The following F2RL1 variants were observed in gnomAD, a reference collection of about 807,000 sequenced individuals.
The protein encoded by F2RL1 is proteinase-activated receptor 2.
A neutral mutation model predicts 21.7 loss-of-function variants in F2RL1; 16 were observed. That is an observed-to-expected ratio of 0.74 (90% CI 0.50 to 1.12). The LOEUF is 1.12. F2RL1 is among the 50% of genes most tolerant of loss of function. F2RL1 has a pLI of 0.00. For synonymous variants in F2RL1, 181 were observed against 186.7 expected (o/e 0.97, Z 0.25); for missense variants, 432 against 477.8 (o/e 0.90, Z 0.89).
intron 1 of F2RL1, among the ~76,000 whole-genome samples, chr5:76,827,470 G>A (rs1750265005): frequency 6.6e-6 from 1 of 150,430 alleles, no homozygotes; most frequent in Non-Finnish European, 1.5e-5. Context: ...CTGCACTCCA[G>A]CCTGGGCGAC....
Position 76,834,884 on chromosome 5 carries a change from A to G in F2RL1, c.*1083A>G, listed in dbSNP as rs1401821395. On this transcript the variant is annotated 3_prime_UTR_variant, in exon 2 of 2. Coordinates refer to ENST00000296677, the MANE Select transcript of F2RL1 (RefSeq NM_005242.6). Reference sequence around the variant, plus strand: ...AGCTTATAATGAAATCTGTTTGTTGACTTATTAGGACTTTGAATTATTTCT... The same window carrying G: ...AGCTTATAATGAAATCTGTTTGTTGGCTTATTAGGACTTTGAATTATTTCT... 6.6e-6 allele frequency: 1 copy of G among 152,298 alleles called. No homozygotes were observed. The highest frequency in any genetic ancestry group is 1.5e-5 in the Non-Finnish European group (1 of 68,022). 9.4% of individuals were successfully genotyped at this position (152,298 alleles called of 1,614,324 possible).
At chr5:76,821,587 G>GT (rs67165766) in intron 1 of F2RL1, among the ~76,000 whole-genome samples, 44,673 of 132,748 alleles carry the variant, frequency 0.34, 7,935 homozygotes, top group South Asian at 0.43. Flanking sequence ...GGTTTTTTGG[G>GT]TTTTTTTTTT....
At chr5:76,819,723 G>T (rs746349963) in intron 1 of F2RL1, among the ~76,000 whole-genome samples, 20 of 152,098 alleles carry the variant, frequency 1.3e-4, no homozygotes, top group Non-Finnish European at 1.6e-4. Flanking sequence ...GGCCGGTGGG[G>T]TTAGCGAGCT....
In F2RL1 at chr5:76,832,961, C is replaced by T. The variant is rs781703377; in HGVS notation, c.354C>T (p.Ala118=). The T allele has an allele frequency of 2.5e-6, 4 of 1,614,236 alleles. No individual in the cohort carries two copies. In the Admixed American group the frequency reaches 6.7e-5, roughly 27 times the overall value. ...HPAVIYMANL[A]LADLLSVIWF... is the part of the protein sequence containing the mutation. ...CTGTGATTTACATGGCCAATCTGGC[C>T]TTGGCTGACCTCCTCTCTGTCATCT... is the stretch of plus-strand genomic sequence containing the variant. The change falls in exon 2 of 2, where the codon GCC becomes GCT. Residue 118 remains alanine, a synonymous_variant. Transcript: ENST00000296677.
intron 1 of F2RL1, among the ~76,000 whole-genome samples, chr5:76,820,029 T>A (rs931560752): frequency 1.3e-5 from 2 of 152,308 alleles, no homozygotes; most frequent in East Asian, 3.9e-4. Context: ...GTTGACCCTC[T>A]GGGCCTGGGG....
At position 76,819,203 on chromosome 5, in the gene F2RL1, G is replaced by T. The variant is rs768345760; in HGVS notation, c.21G>T (p.Ala7=). 1 of 1,588,352 alleles carries T rather than the reference G, an allele frequency of 6.3e-7. No individual in the cohort carries two copies. The highest frequency in any genetic ancestry group is 1.1e-5 in the South Asian group (1 of 88,920). The change falls in exon 1 of 2, where the codon GCG becomes GCT. Residue 7 remains alanine, a synonymous_variant. Transcript: ENST00000296677. The part of the protein sequence containing the change: MRSPSA[A]WLLGAAILLA... Reference sequence around the variant, plus strand: ...GGAGGATGCGGAGCCCCAGCGCGGCGTGGCTGCTGGGGGCCGCCATCCTGC... The same window carrying T: ...GGAGGATGCGGAGCCCCAGCGCGGCTTGGCTGCTGGGGGCCGCCATCCTGC...
chr5:76,832,017 A>G (rs114023581), intron 1 of F2RL1, among the ~76,000 whole-genome samples: 1 of 151,936 alleles, frequency 6.6e-6, no homozygotes, highest in South Asian at 2.1e-4. Flanking sequence ...CTAAAAAAAA[A>G]AAAAATAATA....
chr5:76,832,955 T>A lies in F2RL1; in HGVS notation c.348T>A (p.Asn116Lys). ...ACCCTGCTGTGATTTACATGGCCAATCTGGCCTTGGCTGACCTCCTCTCTG... is the reference window on the plus strand; with the variant it reads ...ACCCTGCTGTGATTTACATGGCCAAACTGGCCTTGGCTGACCTCCTCTCTG... ...KKHPAVIYMA[N>K]LALADLLSVI... The change falls in exon 2 of 2, where the codon AAT (asparagine) becomes AAA (lysine). Residue 116 changes from asparagine to lysine, a missense_variant. Transcript: ENST00000296677. The A allele has an allele frequency of 6.2e-7, 1 of 1,614,246 alleles. No homozygotes were observed. Among genetic ancestry groups the A allele is most frequent in the South Asian group, 1.1e-5 (1 of 91,090 alleles).
Position 76,819,646 on chromosome 5 carries a change from C to A in F2RL1, c.82+382C>A, listed in dbSNP as rs2242992. Reference sequence around the variant, plus strand: ...CTAGTCCCCTCCCCGGGCTTGGTTGCTTTGTAAACACTAAGTCATTAAGAG... The same window carrying A: ...CTAGTCCCCTCCCCGGGCTTGGTTGATTTGTAAACACTAAGTCATTAAGAG... On this transcript the variant is annotated intron_variant, in intron 1 of 1. Transcript: ENST00000296677. Among the ~76,000 whole-genome samples, 1,503 of 152,222 alleles carry A rather than the reference C, an allele frequency of 9.9e-3. 21 individuals carry two copies. Among genetic ancestry groups the A allele is most frequent in the African/African-American group, 0.032 (1,349 of 41,546 alleles).
intron 1 of F2RL1, among the ~76,000 whole-genome samples, chr5:76,821,822 C>T (rs1463033606): frequency 6.6e-6 from 1 of 152,018 alleles, no homozygotes; most frequent in East Asian, 1.9e-4. Flanking sequence ...TCAGGTGATC[C>T]ACCCACCTTC....
chr5:76,827,011 G>A (rs1192919849), intron 1 of F2RL1, among the ~76,000 whole-genome samples: 1 of 151,406 alleles, frequency 6.6e-6, no homozygotes, highest in Non-Finnish European at 1.5e-5. Context: ...CACTATGCCT[G>A]GCTAATTTTG....
rs1040032970 is a variant in F2RL1, at chr5:76,832,777, C to T, written c.170C>T (p.Thr57Ile). Reference protein sequence around the residue: ...HVTGKGVTVETVFSVDEFSAS... With the variant: ...HVTGKGVTVEIVFSVDEFSAS... The stretch of plus-strand genomic sequence containing the variant: ...ACTGGAAAAGGAGTTACAGTTGAAA[C>T]AGTCTTTTCTGTGGATGAGTTTTCT... The change falls in exon 2 of 2, where the codon ACA (threonine) becomes ATA (isoleucine). Residue 57 changes from threonine (T) to isoleucine (I), a missense_variant. Thr to Ile is a moderately conservative substitution (Grantham distance 89, BLOSUM62 -1). Coordinates refer to ENST00000296677, the MANE Select transcript of F2RL1 (RefSeq NM_005242.6). The T allele has an allele frequency of 6.2e-7, 1 of 1,614,194 alleles. No homozygotes were observed. Among genetic ancestry groups the T allele is most frequent in the Non-Finnish European group, 8.5e-7 (1 of 1,180,034 alleles).
At chr5:76,828,524 T>C in intron 1 of F2RL1, among the ~76,000 whole-genome samples, 1 of 149,854 alleles carries the variant, frequency 6.7e-6, no homozygotes, top group African/African-American at 2.5e-5. Context: ...GGGGCCTCAC[T>C]CTGTCACCCA....
Position 76,833,313 on chromosome 5 carries a change from G to A in F2RL1, c.706G>A (p.Val236Met), listed in dbSNP as rs375707707. 2.5e-6 allele frequency: 4 copies of A among 1,613,986 alleles called. No individual in the cohort carries two copies. In the Admixed American group the frequency reaches 5.0e-5, roughly 20 times the overall value. The change falls in exon 2 of 2, where the codon GTG becomes ATG. Residue 236 changes from valine to methionine, a missense_variant. Val to Met is a conservative substitution (Grantham distance 21). Coordinates refer to ENST00000296677, the MANE Select transcript of F2RL1 (RefSeq NM_005242.6). ...TGATGTTTTGCCTGAGCAGCTCTTG[G>A]TGGGAGACATGTTCAATTACTTCCT... ...CHDVLPEQLLVGDMFNYFLSL... is the reference protein window; with the variant it reads ...CHDVLPEQLLMGDMFNYFLSL...
At chr5:76,828,281 G>A (rs1297597514) in intron 1 of F2RL1, among the ~76,000 whole-genome samples, 3 of 151,986 alleles carry the variant, frequency 2.0e-5, no homozygotes, top group Non-Finnish European at 4.4e-5. Flanking sequence ...GCACCAGTTC[G>A]TATTCCTACC....
At position 76,833,536 on chromosome 5, in the gene F2RL1, A is replaced by C. The variant is rs754875227; in HGVS notation, c.929A>C (p.His310Pro). Residue 310 changes from histidine (H) to proline (P), a missense_variant, in exon 2 of 2, where the codon CAT becomes CCT. Transcript: ENST00000296677. ...CCTAGTAACCTTCTGCTTGTGGTGC[A>C]TTATTTTCTGATTAAGAGCCAGGGC... ...FTPSNLLLVV[H>P]YFLIKSQGQS... 4 of 1,612,840 alleles carry C rather than the reference A, an allele frequency of 2.5e-6. No homozygotes were observed. Among genetic ancestry groups the C allele is most frequent in the Non-Finnish European group, 3.4e-6 (4 of 1,179,830 alleles).
chr5:76,820,451 G>C (rs746671061), intron 1 of F2RL1, among the ~76,000 whole-genome samples: 3 of 152,262 alleles, frequency 2.0e-5, no homozygotes, highest in East Asian at 1.9e-4. Context: ...CTGCAGTTAG[G>C]GAAAAGGGTG....
intron 1 of F2RL1, among the ~76,000 whole-genome samples, chr5:76,826,029 G>C (rs1449301738): frequency 6.6e-6 from 1 of 152,042 alleles, no homozygotes; most frequent in Non-Finnish European, 1.5e-5. Flanking sequence ...CTATTATAGT[G>C]AATTAAGTGT....
intron 1 of F2RL1, among the ~76,000 whole-genome samples, chr5:76,831,700 G>A (rs533789387): frequency 6.6e-6 from 1 of 151,998 alleles, no homozygotes; most frequent in Non-Finnish European, 1.5e-5. Context: ...GCTAATTTTT[G>A]TATTTTTAAC....
Sources: allele counts gnomAD v4.1 joint callset (sites outside exome capture counted in the v4.1 genomes callset), GRCh38; gene constraint gnomAD v4.1.1; transcripts MANE v1.5; gene names NCBI Gene and HGNC (gene_info 2026-07-23, HGNC 2026-07-21).